The following SHANK2 variants were observed in gnomAD, a reference collection of about 807,000 sequenced individuals.
SHANK2 encodes SH3 and multiple ankyrin repeat domains protein 2.
Under a neutral mutation model 133.7 loss-of-function variants are expected in SHANK2, and 43 were observed. That is an observed-to-expected ratio of 0.32 (90% confidence interval 0.25 to 0.41). SHANK2 has a LOEUF of 0.41. SHANK2 is among the 10% of genes least tolerant of loss of function. The pLI is 1.00. For missense variants in SHANK2, 1,994 were observed against 2,235.8 expected, an observed-to-expected ratio of 0.89 and a Z score of 2.18; for synonymous variants, 1,017 against 952.8, an observed-to-expected ratio of 1.07 and a Z score of -1.24.
intron 9 of SHANK2, among the ~76,000 whole-genome samples, chr11:71,067,866 T>C (rs1395725277): frequency 2.7e-5 from 4 of 150,104 alleles, no homozygotes; most frequent in Non-Finnish European, 5.9e-5. Flanking sequence ...ACTGTCACCA[T>C]CACCATCACC....
In SHANK2 at chr11:71,108,831, G is replaced by C. The variant is rs191513552; in HGVS notation, c.592+1110C>G. On this transcript the variant is annotated intron_variant, in intron 6 of 25. Transcript: ENST00000601538. ...CCACAAGCCCGTGCCGGCTTCTCCT[G>C]CTGCTCACAGCGAAGCCTAAGGGAC... is the stretch of plus-strand genomic sequence containing the variant. 2.0e-5 allele frequency among the ~76,000 whole-genome samples: 3 copies of C among 152,318 alleles called. 1 individual carries two copies. Among genetic ancestry groups the C allele is most frequent in the Admixed American group, 2.0e-4 (3 of 15,300 alleles).
chr11:70,786,495 T>C (rs1352186877), intron 14 of SHANK2, among the ~76,000 whole-genome samples: 3 of 152,190 alleles, frequency 2.0e-5, no homozygotes, highest in Non-Finnish European at 4.4e-5. Flanking sequence ...TGGACTTTTA[T>C]ACCTTTACAT....
At chr11:70,663,648 G>C (rs1020601261) in intron 15 of SHANK2, among the ~76,000 whole-genome samples, 1 of 152,172 alleles carries the variant, frequency 6.6e-6, no homozygotes, top group Non-Finnish European at 1.5e-5. Flanking sequence ...GCAGCTGGGA[G>C]GGGGGTTCTG....
At chr11:71,211,642 C>CAG (rs1555118900) in intron 2 of SHANK2, among the ~76,000 whole-genome samples, 1 of 118,000 alleles carries the variant, frequency 8.5e-6, no homozygotes, top group East Asian at 2.2e-4. Context: ...TGAGCATTTG[C>CAG]AAAAAAAAAA....
At chr11:70,820,273 C>T in intron 12 of SHANK2, 91 bp downstream of exon 12, 1 of 581,526 alleles carries the variant, frequency 1.7e-6, no homozygotes. Context: ...AAATGGGCTT[C>T]CTGCTCAACT....
intron 2 of SHANK2, among the ~76,000 whole-genome samples, chr11:71,198,229 A>G (rs567802289): frequency 6.6e-6 from 1 of 152,286 alleles, no homozygotes; most frequent in African/African-American, 2.4e-5. Context: ...GACTGCAGAC[A>G]TGAGCCACTG....
chr11:70,510,030 C>G (rs1554969060), intron 17 of SHANK2, among the ~76,000 whole-genome samples: 2 of 152,166 alleles, frequency 1.3e-5, no homozygotes, highest in Non-Finnish European at 2.9e-5. Flanking sequence ...GTCTCCCATC[C>G]CCTGCAATTA....
chr11:70,669,750 G>A (rs1944759179), intron 15 of SHANK2: 1 of 152,484 alleles, frequency 6.6e-6, no homozygotes, highest in East Asian at 1.9e-4. Flanking sequence ...TCAACGTCAC[G>A]ACCCATTTAA....
intron 10 of SHANK2, among the ~76,000 whole-genome samples, chr11:70,898,277 C>T (rs549026025): frequency 2.1e-5 from 2 of 96,486 alleles, no homozygotes; most frequent in East Asian, 6.2e-4. Flanking sequence ...AATATATACA[C>T]ACACGCACAC....
intron 14 of SHANK2, among the ~76,000 whole-genome samples, chr11:70,725,776 C>G (rs782698817): frequency 2.0e-5 from 3 of 152,144 alleles, no homozygotes; most frequent in Non-Finnish European, 4.4e-5. Context: ...ATGGATGACC[C>G]GGTAGACCTC....
chr11:70,534,783 G>A (rs1171997581), intron 17 of SHANK2, among the ~76,000 whole-genome samples: 9 of 152,220 alleles, frequency 5.9e-5, no homozygotes. Context: ...AGACACTACT[G>A]CACAGACCGA....
At chr11:71,230,803 A>G (rs1954730054) in intron 1 of SHANK2, among the ~76,000 whole-genome samples, 1 of 152,238 alleles carries the variant, frequency 6.6e-6, no homozygotes. Context: ...ATGAAGGTGC[A>G]AAAGCCACTC....
intron 17 of SHANK2, chr11:70,566,580 C>T (rs1329042708): frequency 6.6e-6 from 1 of 152,206 alleles, no homozygotes; most frequent in Non-Finnish European, 1.5e-5. Context: ...CTGAGTCCTT[C>T]TGAAGTTTGC....
intron 14 of SHANK2, chr11:70,706,192 C>G (rs942877018): frequency 6.6e-6 from 1 of 152,530 alleles, no homozygotes; most frequent in African/African-American, 2.4e-5. Flanking sequence ...TCATTCACAC[C>G]TCAGGGCCTT....
rs192009545 is a variant in SHANK2, at chr11:70,591,107, C to T, written c.2061+68721G>A. Among the ~76,000 whole-genome samples the T allele has an allele frequency of 2.6e-5, 4 of 152,244 alleles. No homozygotes were observed. The East Asian group carries it at 5.8e-4, about 22-fold the overall frequency. On this transcript the variant is annotated intron_variant, in intron 17 of 25. Coordinates refer to ENST00000601538, the MANE Select transcript of SHANK2 (RefSeq NM_012309.5). ...TTGTCATCCCAGCACTTTGGGAGGC[C>T]GAGGTGGGCGGATCACTGGACCTCA...
intron 17 of SHANK2, among the ~76,000 whole-genome samples, chr11:70,504,775 C>G (rs189529270): frequency 3.3e-5 from 5 of 151,566 alleles, no homozygotes; most frequent in Non-Finnish European, 5.9e-5. Context: ...GGAGCCGGAT[C>G]GAGGAAGACA....
intron 10 of SHANK2, chr11:70,910,895 G>A: frequency 2.3e-6 from 1 of 437,298 alleles, no homozygotes; most frequent in Non-Finnish European, 4.6e-6. Context: ...GTTGCTTGGT[G>A]GTGCGTGTGT....
chr11:70,481,946 C>T (rs2058738462), intron 25 of SHANK2, among the ~76,000 whole-genome samples: 1 of 104,784 alleles, frequency 9.5e-6, no homozygotes, highest in Non-Finnish European at 1.9e-5. Context: ...CTCTGGTGCC[C>T]TGGCAACTCC....
intron 17 of SHANK2, among the ~76,000 whole-genome samples, chr11:70,600,418 C>CAAAAAAAA (rs56103044): frequency 1.6e-4 from 15 of 95,454 alleles, no homozygotes; most frequent in Non-Finnish European, 2.5e-4. Flanking sequence ...GACTCTGTCT[C>CAAAAAAAA]AAAAAAAAAA....
Sources: allele counts gnomAD v4.1 joint callset (sites outside exome capture counted in the v4.1 genomes callset), GRCh38; gene constraint gnomAD v4.1.1; transcripts MANE v1.5; gene names NCBI Gene and HGNC (gene_info 2026-07-23, HGNC 2026-07-21).